CARD9: variants seen among roughly 807,000 people sequenced by gnomAD.
The protein encoded by CARD9 is caspase recruitment domain family member 9.
A neutral mutation model predicts 66.0 loss-of-function variants in CARD9; 53 were observed. The ratio of observed to expected loss-of-function variants is 0.80; its 90% CI spans 0.64 to 1.01. The LOEUF (loss-of-function observed/expected upper bound fraction) is 1.01, where lower values mean the gene tolerates loss of function less well. CARD9 is among the 50% of genes least tolerant of loss of function. CARD9 has a pLI of 0.00. For synonymous variants in CARD9, 387 were observed against 313.8 expected (o/e 1.23, Z -2.47); for missense variants, 769 against 743.2 (o/e 1.03, Z -0.40).
rs1417847764 is a variant in CARD9, at chr9:136,364,473, G to A, written c.1511+10C>T. 7 of 1,539,984 alleles carry A rather than the reference G, an allele frequency of 4.5e-6. No homozygotes were observed. The highest frequency in any genetic ancestry group is 6.1e-6 in the Non-Finnish European group (7 of 1,146,872). ...CCCGTTTTGGAGAAGCCTGGGGGCC[G>A]CCCGCCTACCTGCGGTAGTTCTCAA... On this transcript the variant is annotated intron_variant, in intron 12 of 12. Coordinates refer to ENST00000371732, the MANE Select transcript of CARD9 (RefSeq NM_052813.5).
chr9:136,369,235 C>T (rs867960621), intron 7 of CARD9, among the ~76,000 whole-genome samples: 1 of 152,086 alleles, frequency 6.6e-6, no homozygotes, highest in African/African-American at 2.4e-5. Context: ...GGATGACAGG[C>T]GAGAGACACC....
In CARD9 at chr9:136,369,748, A is replaced by G; in HGVS notation, c.1077+2T>C. 2 of 1,595,940 alleles carry G rather than the reference A, an allele frequency of 1.3e-6. No individual in the cohort carries two copies. Among genetic ancestry groups the G allele is most frequent in the South Asian group, 2.2e-5 (2 of 89,376 alleles). On this transcript the variant is annotated splice_donor_variant, in intron 7 of 12. Coordinates refer to ENST00000371732, the MANE Select transcript of CARD9 (RefSeq NM_052813.5). LOFTEE classifies it high-confidence loss of function. ...CTTTGTCCTGCCCCTGCGAGTGCCC[A>G]CCTGGTCCCGCTCAATGGCGACCTC...
rs970168625 is a variant in CARD9 at position 136,364,718 on chromosome 9, G to C, written c.1435-159C>G. Reference sequence around the variant, plus strand: ...CAAGCTCTCCCTGTGGGACCTGCCTGTACCCCTGGAGGTGAGCCGGTGTGG... The same window carrying C: ...CAAGCTCTCCCTGTGGGACCTGCCTCTACCCCTGGAGGTGAGCCGGTGTGG... On this transcript the variant is annotated intron_variant, in intron 11 of 12. Coordinates refer to ENST00000371732, the MANE Select transcript of CARD9 (RefSeq NM_052813.5). 1.7e-5 allele frequency: 12 copies of C among 718,274 alleles called. No individual in the cohort carries two copies. In the African/African-American group the frequency reaches 2.0e-4, roughly 12 times the overall value. The allele number at this position is 718,274 out of a possible 1,614,324, so 44.5% of individuals were successfully genotyped here.
chr9:136,367,409 G>A (rs1833148855), intron 8 of CARD9, 152 bp from the exon 9 acceptor site: 2 of 1,014,328 alleles, frequency 2.0e-6, no homozygotes, highest in South Asian at 1.5e-5. Context: ...AACCTGCTAG[G>A]CTGCCTGATG....
intron 2 of CARD9, 66 bp downstream of exon 2, chr9:136,371,829 T>C: frequency 6.5e-7 from 1 of 1,548,690 alleles, no homozygotes; most frequent in Non-Finnish European, 8.8e-7. Context: ...TGGCAGAGCG[T>C]GCAGCCACCT....
At chr9:136,372,577 G>A (rs1833301739) in intron 1 of CARD9, among the ~76,000 whole-genome samples, 1 of 152,260 alleles carries the variant, frequency 6.6e-6, no homozygotes. Context: ...GGTGAGAGCA[G>A]GTTGGCCAGT....
At position 136,364,341 on chromosome 9, in the gene CARD9, G is replaced by T; in HGVS notation, c.1572C>A (p.Asn524Lys). ...TGTCGGTGTTGTCGCTGCCCGTGGT[G>T]TTCTCCCGGTCCTCCTCCCCCTGCC... ...GWRQGEEDRE[N>K]TTGSDNTDTE... Residue 524 changes from asparagine (N) to lysine (K), a missense_variant, in exon 13 of 13, where the codon AAC becomes AAA. Transcript: ENST00000371732. 6.4e-7 allele frequency: 1 copy of T among 1,567,996 alleles called. No homozygotes were observed. Among genetic ancestry groups the T allele is most frequent in the Non-Finnish European group, 8.6e-7 (1 of 1,157,672 alleles).
intron 5 of CARD9, 21 bp from the exon 6 acceptor site, chr9:136,370,458 T>C (rs1833236702): frequency 6.2e-7 from 1 of 1,607,790 alleles, no homozygotes; most frequent in Non-Finnish European, 8.5e-7. Context: ...CAAAAGGCAA[T>C]GGCCTGGCTG....
At chr9:136,367,941 C>T (rs1468746465) in intron 7 of CARD9, 113 bp from the exon 8 acceptor site, 3 of 1,450,120 alleles carry the variant, frequency 2.1e-6, no homozygotes, top group Admixed American at 5.1e-5. Context: ...AGCCGCTGGG[C>T]GCGGAGGCTG....
chr9:136,369,450 G>T (rs955029169), intron 7 of CARD9, among the ~76,000 whole-genome samples: 7 of 152,190 alleles, frequency 4.6e-5, no homozygotes, highest in African/African-American at 1.7e-4. Context: ...AGTAGGCTGG[G>T]GTGGGGAAGT....
In CARD9 at chr9:136,373,669, T is replaced by A; in HGVS notation, c.-154A>T. On this transcript the variant is annotated 5_prime_UTR_variant, in exon 1 of 13. Coordinates refer to ENST00000371732, the MANE Select transcript of CARD9 (RefSeq NM_052813.5). ...TGTGCACTTCCTGATGGGTTCTGCT[T>A]AACTCCACAGTCCCGCCAGTCCTCC... 3 of 708,746 alleles carry A rather than the reference T, an allele frequency of 4.2e-6. No homozygotes were observed. Among genetic ancestry groups the A allele is most frequent in the Non-Finnish European group, 5.2e-6 (3 of 577,194 alleles). The allele number at this position is 708,746 out of a possible 1,614,324, so 43.9% of individuals were successfully genotyped here. A position where few individuals can be genotyped will look rare whatever the true frequency, so the allele number is the denominator to read the frequency against.
intron 11 of CARD9, 21 bp downstream of exon 11, chr9:136,365,120 C>G (rs1324694357): frequency 1.9e-6 from 3 of 1,610,840 alleles, no homozygotes; most frequent in East Asian, 2.2e-5. Context: ...CTGGGAGGAC[C>G]CCACCCCGGG....
intron 1 of CARD9, among the ~76,000 whole-genome samples, chr9:136,372,728 G>A (rs1446377994): frequency 1.3e-5 from 2 of 152,224 alleles, no homozygotes; most frequent in Non-Finnish European, 2.9e-5. Flanking sequence ...TGGCCACCCA[G>A]CCCTGCTGCA....
intron 7 of CARD9, among the ~76,000 whole-genome samples, chr9:136,368,449 G>C (rs1483124453): frequency 6.6e-6 from 1 of 152,252 alleles, no homozygotes; most frequent in Non-Finnish European, 1.5e-5. Context: ...GGCCAGGCGC[G>C]AGTGAGGCTG....
intron 4 of CARD9, 43 bp from the exon 5 acceptor site, chr9:136,370,744 G>C: frequency 6.2e-7 from 1 of 1,611,824 alleles, no homozygotes; most frequent in Non-Finnish European, 8.5e-7. Context: ...TCCAGGCGGT[G>C]ACCGCAGACC....
intron 6 of CARD9, 74 bp downstream of exon 6, chr9:136,370,220 C>G (rs1410210251): frequency 6.4e-6 from 10 of 1,556,860 alleles, no homozygotes; most frequent in African/African-American, 4.1e-5. Context: ...CTTCCAGGCA[C>G]GGAGTGGGCG....
Position 136,370,898 on chromosome 9 carries a change from C to T in CARD9, c.570G>A (p.Ala190=), listed in dbSNP as rs760128484. 16 of 1,609,272 alleles carry T rather than the reference C, an allele frequency of 9.9e-6. No homozygotes were observed. The highest frequency in any genetic ancestry group is 5.0e-5 in the Admixed American group (3 of 59,888). The change falls in exon 4 of 13, where the codon GCG becomes GCA. Residue 190 remains alanine, a synonymous_variant. Coordinates refer to ENST00000371732, the MANE Select transcript of CARD9 (RefSeq NM_052813.5). ...EENYDLAMRL[A]HQSEEKGAAL... The stretch of plus-strand genomic sequence containing the variant: ...CGGCGCCCTTCTCCTCACTCTGGTG[C>T]GCCAGGCGCATGGCCAGGTCGTAGT...
Position 136,367,267 on chromosome 9 carries a change from T to A in CARD9, c.1270-10A>T. 2.5e-6 allele frequency: 4 copies of A among 1,612,450 alleles called. No homozygotes were observed. Among genetic ancestry groups the A allele is most frequent in the Non-Finnish European group, 3.4e-6 (4 of 1,179,732 alleles). ...CTTCCAGGTCGGAGCTCTGTGGTCA[T>A]AGAAAATGGGGTGGGTGGGCTGTGA... On this transcript the variant is annotated splice_polypyrimidine_tract_variant and intron_variant, in intron 8 of 12. Coordinates refer to ENST00000371732, the MANE Select transcript of CARD9 (RefSeq NM_052813.5).
rs1049019466 is a variant in CARD9, at chr9:136,371,389, T to C, written c.257A>G (p.Tyr86Cys). The change falls in exon 3 of 13, where the codon TAC (tyrosine) becomes TGC (cysteine). Residue 86 changes from tyrosine to cysteine, a missense_variant. Coordinates refer to ENST00000371732, the MANE Select transcript of CARD9 (RefSeq NM_052813.5). ...GACCTTCTTGTACAGCTGCGGGTAG[T>C]AGAGCTCCAGGCTCTCGAGGAAGGC... is the stretch of plus-strand genomic sequence containing the variant. The part of the protein sequence containing the change: ...YVAFLESLEL[Y>C]YPQLYKKVTG... The C allele has an allele frequency of 1.9e-6, 3 of 1,597,780 alleles. No individual in the cohort carries two copies. Among genetic ancestry groups the C allele is most frequent in the Non-Finnish European group, 1.7e-6 (2 of 1,172,478 alleles).
Sources: allele counts gnomAD v4.1 joint callset (sites outside exome capture counted in the v4.1 genomes callset), GRCh38; gene constraint gnomAD v4.1.1; transcripts MANE v1.5; gene names NCBI Gene and HGNC (gene_info 2026-07-23, HGNC 2026-07-21).